AMDHD1: variants seen among roughly 807,000 people sequenced by gnomAD.
The protein encoded by AMDHD1 is probable imidazolonepropionase.
Under a neutral mutation model 44.1 loss-of-function variants are expected in AMDHD1, and 45 were observed. The observed-to-expected ratio is 1.02, with a 90% CI of 0.80 to 1.31. The LOEUF (loss-of-function observed/expected upper bound fraction) is 1.31, where lower values mean the gene tolerates loss of function less well. Among genes scored for constraint, AMDHD1 ranks in the 50% most tolerant of loss-of-function variants. The pLI, the probability that AMDHD1 is intolerant of heterozygous loss-of-function variation, is 0.00. For missense variants in AMDHD1, 586 were observed against 552.1 expected, an observed-to-expected ratio of 1.06 and a Z score of -0.61; for synonymous variants, 206 against 205.0, an observed-to-expected ratio of 1.00 and a Z score of -0.04.
chr12:95,948,073 C>G (rs1207384655), intron 1 of AMDHD1, among the ~76,000 whole-genome samples: 26 of 73,014 alleles, frequency 3.6e-4, no homozygotes, highest in South Asian at 1.2e-3. Flanking sequence ...GCCGCCCCGT[C>G]TGGGAGTTGA....
intron 2 of AMDHD1, among the ~76,000 whole-genome samples, chr12:95,953,262 G>C (rs2080533069): frequency 1.3e-5 from 2 of 152,186 alleles, no homozygotes; most frequent in Non-Finnish European, 1.5e-5. Context: ...GGCAGCTGCT[G>C]TCTCTAATAC....
At position 95,943,464 on chromosome 12, in the gene AMDHD1, C is replaced by T. The variant is rs878856453; in HGVS notation, c.66C>T (p.Gly22=). ...AAGTGGTGCTGGTGTGCGCCCGCGGCGAGCGCTTCCTGGCGCGGGATGCGC... is the reference window on the plus strand; with the variant it reads ...AAGTGGTGCTGGTGTGCGCCCGCGGTGAGCGCTTCCTGGCGCGGGATGCGC... ...AQQVVLVCAR[G]ERFLARDALR... is the part of the protein sequence containing the mutation. Residue 22 remains glycine, a synonymous_variant, in exon 1 of 9, where the codon GGC becomes GGT. Coordinates refer to ENST00000266736, the MANE Select transcript of AMDHD1 (RefSeq NM_152435.3). 36 of 1,504,308 alleles carry T rather than the reference C, an allele frequency of 2.4e-5. No individual in the cohort carries two copies. Among genetic ancestry groups the T allele is most frequent in the Non-Finnish European group, 3.2e-5 (36 of 1,131,316 alleles). 93.2% of individuals were successfully genotyped at this position (1,504,308 alleles called of 1,614,324 possible). A position where few individuals can be genotyped will look rare whatever the true frequency, so the allele number is the denominator to read the frequency against.
At chr12:95,944,617 G>A (rs2080485567) in intron 1 of AMDHD1, among the ~76,000 whole-genome samples, 1 of 151,862 alleles carries the variant, frequency 6.6e-6, no homozygotes, top group South Asian at 2.1e-4. Context: ...ATGTCTCACT[G>A]TGTTGCCCAG....
At chr12:95,952,646 T>G in intron 1 of AMDHD1, 71 bp from the exon 2 acceptor site, 1 of 975,136 alleles carries the variant, frequency 1.0e-6, no homozygotes, top group Non-Finnish European at 1.6e-6. Context: ...TGAAAACATA[T>G]TTTAAGTCAC....
In AMDHD1 at chr12:95,952,711, C is replaced by G. The variant is rs768182528; in HGVS notation, c.138-6C>G. On this transcript the variant is annotated splice_region_variant and splice_polypyrimidine_tract_variant and intron_variant, in intron 1 of 8. Transcript: ENST00000266736. ...ATTTAATAACTATTTCTTGATTTTTCTTCAGAGATGGATTTATAAAAGCTA... is the reference window on the plus strand; with the variant it reads ...ATTTAATAACTATTTCTTGATTTTTGTTCAGAGATGGATTTATAAAAGCTA... 2.3e-5 allele frequency: 36 copies of G among 1,566,632 alleles called. No homozygotes were observed. The highest frequency in any genetic ancestry group is 3.1e-5 in the Non-Finnish European group (36 of 1,143,186).
chr12:95,944,438 G>A (rs772842806), intron 1 of AMDHD1, among the ~76,000 whole-genome samples: 2 of 151,774 alleles, frequency 1.3e-5, no homozygotes, highest in Non-Finnish European at 1.5e-5. Context: ...GTCTAGCTCT[G>A]TTGCCCAGGT....
intron 1 of AMDHD1, 27 bp downstream of exon 1, chr12:95,943,562 G>A: frequency 7.0e-7 from 1 of 1,418,636 alleles, no homozygotes. Flanking sequence ...GCAGGGTGGG[G>A]ACCGCCACGG....
intron 4 of AMDHD1, among the ~76,000 whole-genome samples, chr12:95,959,518 T>C (rs10745741): frequency 0.7 from 105,813 of 151,930 alleles, 37,277 homozygotes; most frequent in East Asian, 0.95. Context: ...AAGCAATCCT[T>C]TTGCCTCAGC....
Position 95,962,289 on chromosome 12 carries a change from A to G in AMDHD1, c.814-66A>G. 3.2e-6 allele frequency: 5 copies of G among 1,561,136 alleles called. No homozygotes were observed. In the South Asian group the frequency reaches 4.7e-5, roughly 15 times the overall value. ...AAAAATAAAACAAACAAAGCAATTT[A>G]ATGGAACTTCATGGATTCGTTGTTG... is the stretch of plus-strand genomic sequence containing the variant. On this transcript the variant is annotated intron_variant, in intron 5 of 8. Coordinates refer to ENST00000266736, the MANE Select transcript of AMDHD1 (RefSeq NM_152435.3).
intron 4 of AMDHD1, among the ~76,000 whole-genome samples, chr12:95,958,518 A>G (rs2080563913): frequency 6.6e-6 from 1 of 151,996 alleles, no homozygotes; most frequent in Non-Finnish European, 1.5e-5. Context: ...AAAACAGTAG[A>G]TTTTTTTTCA....
intron 3 of AMDHD1, among the ~76,000 whole-genome samples, chr12:95,956,150 C>G (rs756801868): frequency 1.3e-5 from 2 of 152,122 alleles, no homozygotes; most frequent in Non-Finnish European, 2.9e-5. Flanking sequence ...GCTCTGTCAC[C>G]CAGGCTGGAG....
chr12:95,957,702 A>T (rs2080558922), intron 4 of AMDHD1, among the ~76,000 whole-genome samples: 1 of 152,220 alleles, frequency 6.6e-6, no homozygotes, highest in African/African-American at 2.4e-5. Context: ...TTATTTAAAA[A>T]TTTAATTGTT....
At chr12:95,950,327 C>G (rs552320217) in intron 1 of AMDHD1, among the ~76,000 whole-genome samples, 1 of 152,294 alleles carries the variant, frequency 6.6e-6, no homozygotes, top group South Asian at 2.1e-4. Flanking sequence ...CTTTTCCTAT[C>G]ATAACATCTT....
intron 6 of AMDHD1, among the ~76,000 whole-genome samples, chr12:95,964,033 A>T (rs981499276): frequency 3.3e-5 from 2 of 61,212 alleles, no homozygotes; most frequent in Admixed American, 5.6e-4. Flanking sequence ...ATTCCATCTT[A>T]AAAAAAAAAA....
chr12:95,960,729 G>A, intron 5 of AMDHD1, 106 bp downstream of exon 5: 1 of 1,179,178 alleles, frequency 8.5e-7, no homozygotes, highest in South Asian at 1.5e-5. Context: ...GATATTGAAT[G>A]GGGAAATTTG....
Position 95,943,420 on chromosome 12 carries a change from C to G in AMDHD1, c.22C>G (p.Leu8Val). MASGHSLLLENAQQVVLV... is the reference protein window; with the variant it reads MASGHSLVLENAQQVVLV... Reference sequence around the variant, plus strand: ...CGACATGGCAAGCGGCCACAGCCTCCTGCTGGAGAACGCGCAGCAAGTGGT... The same window carrying G: ...CGACATGGCAAGCGGCCACAGCCTCGTGCTGGAGAACGCGCAGCAAGTGGT... The change falls in exon 1 of 9, where the codon CTG (leucine) becomes GTG (valine). Residue 8 changes from leucine (L) to valine (V), a missense_variant. By Grantham distance (32) the Leu-to-Val change is conservative. Coordinates refer to ENST00000266736, the MANE Select transcript of AMDHD1 (RefSeq NM_152435.3). 2 of 1,504,910 alleles carry G rather than the reference C, an allele frequency of 1.3e-6. No individual in the cohort carries two copies. The highest frequency in any genetic ancestry group is 1.8e-6 in the Non-Finnish European group (2 of 1,133,890). 93.2% of individuals were successfully genotyped at this position (1,504,910 alleles called of 1,614,324 possible). A position where few individuals can be genotyped will look rare whatever the true frequency, so the allele number is the denominator to read the frequency against.
chr12:95,953,047 C>T (rs2080532201), intron 2 of AMDHD1, among the ~76,000 whole-genome samples: 2 of 152,172 alleles, frequency 1.3e-5, no homozygotes, highest in Admixed American at 1.3e-4. Flanking sequence ...ATTATCTATA[C>T]TTTACAGATT....
chr12:95,945,615 A>G (rs1305048297), intron 1 of AMDHD1, among the ~76,000 whole-genome samples: 2 of 152,202 alleles, frequency 1.3e-5, no homozygotes, highest in Non-Finnish European at 2.9e-5. Context: ...CTTATGCAGA[A>G]CCTGTGTGTT....
chr12:95,954,993 T>C lies in AMDHD1; in HGVS notation c.309+18T>C. ...CAATGAAGGTAACTGCAACAAATCATGGCAAATCAAAATAAAGCACAAATA... is the reference window on the plus strand; with the variant it reads ...CAATGAAGGTAACTGCAACAAATCACGGCAAATCAAAATAAAGCACAAATA... On this transcript the variant is annotated intron_variant, in intron 3 of 8. Coordinates refer to ENST00000266736, the MANE Select transcript of AMDHD1 (RefSeq NM_152435.3). The C allele has an allele frequency of 6.2e-7, 1 of 1,613,134 alleles. No homozygotes were observed.
Sources: allele counts gnomAD v4.1 joint callset (sites outside exome capture counted in the v4.1 genomes callset), GRCh38; gene constraint gnomAD v4.1.1; transcripts MANE v1.5; gene names NCBI Gene and HGNC (gene_info 2026-07-23, HGNC 2026-07-21).